The following CNOT10 variants were observed in gnomAD, a reference collection of about 807,000 sequenced individuals.
CNOT10 encodes the protein CCR4-NOT transcription complex subunit 10, also known as CCR4-NOT transcription complex, subunit 10.
CNOT10 carries 30 observed loss-of-function variants against 94.6 expected under a neutral mutation model. That is an observed-to-expected ratio of 0.32 (90% CI 0.24 to 0.43). CNOT10 has a LOEUF of 0.43. Ranked by LOEUF, CNOT10 falls within the 20% of genes least tolerant of loss-of-function variation. CNOT10 has a pLI of 1.00. For synonymous variants in CNOT10, 289 were observed against 301.6 expected (o/e 0.96, Z 0.43); for missense variants, 759 against 877.2 (o/e 0.87, Z 1.70).
chr3:32,763,225 A>G (rs777196067), intron 15 of CNOT10, among the ~76,000 whole-genome samples: 2 of 152,102 alleles, frequency 1.3e-5, no homozygotes, highest in Non-Finnish European at 2.9e-5. Flanking sequence ...TAATCCCAGC[A>G]CTTTGGGAGG....
At chr3:32,694,579 T>G (rs1696973770) in intron 1 of CNOT10, among the ~76,000 whole-genome samples, 1 of 152,142 alleles carries the variant, frequency 6.6e-6, no homozygotes, top group Admixed American at 6.6e-5. Flanking sequence ...TTTTTTCTTC[T>G]TTCAGTTTTT....
chr3:32,761,615 G>A (rs1700447907), intron 14 of CNOT10, among the ~76,000 whole-genome samples: 1 of 151,850 alleles, frequency 6.6e-6, no homozygotes, highest in East Asian at 1.9e-4. Flanking sequence ...GAGTGCAGTG[G>A]CATGATCTCA....
chr3:32,769,839 A>T, intron 17 of CNOT10, 48 bp from the exon 18 acceptor site: 1 of 1,439,512 alleles, frequency 6.9e-7, no homozygotes, highest in South Asian at 1.1e-5. Flanking sequence ...TGGAGTGTGT[A>T]TCTTAAGCTT....
intron 1 of CNOT10, among the ~76,000 whole-genome samples, chr3:32,698,910 C>T (rs1233640735): frequency 6.6e-6 from 1 of 152,170 alleles, no homozygotes; most frequent in African/African-American, 2.4e-5. Context: ...CTTCGCCTCG[C>T]TTGTAGCTGG....
At chr3:32,711,381 T>A (rs1422760763) in intron 4 of CNOT10, among the ~76,000 whole-genome samples, 1 of 152,228 alleles carries the variant, frequency 6.6e-6, no homozygotes, top group Non-Finnish European at 1.5e-5. Flanking sequence ...TGAAAATGTT[T>A]TTATACCATA....
chr3:32,719,026 G>A (rs536619700), intron 7 of CNOT10, among the ~76,000 whole-genome samples: 3 of 152,240 alleles, frequency 2.0e-5, no homozygotes, highest in Non-Finnish European at 2.9e-5. Flanking sequence ...TGAGGCAGGC[G>A]GATCCCAAAG....
At chr3:32,746,187 G>A (rs112175883) in intron 13 of CNOT10, among the ~76,000 whole-genome samples, 38 of 152,244 alleles carry the variant, frequency 2.5e-4, no homozygotes, top group African/African-American at 7.0e-4. Context: ...GGAATTGACT[G>A]GAAAGAAATA....
intron 2 of CNOT10, 86 bp from the exon 3 acceptor site, chr3:32,704,725 G>A: frequency 7.2e-7 from 1 of 1,397,974 alleles, no homozygotes; most frequent in Non-Finnish European, 9.6e-7. Flanking sequence ...TTAAGATAAA[G>A]ATGAATGAAA....
In CNOT10 at chr3:32,741,584, A is replaced by G. The variant is rs1253997529; in HGVS notation, c.1595+4094A>G. 5.3e-5 allele frequency among the ~76,000 whole-genome samples: 8 copies of G among 152,194 alleles called. No individual in the cohort carries two copies. In the South Asian group the frequency reaches 8.3e-4, roughly 16 times the overall value. On this transcript the variant is annotated intron_variant, in intron 13 of 18. Coordinates refer to ENST00000328834, the MANE Select transcript of CNOT10 (RefSeq NM_015442.3). The stretch of plus-strand genomic sequence containing the variant: ...GGAGTTCAAGACCAGCCTGGCCAAC[A>G]TAGTGAAACCCTGTCTATACTAAAA...
At chr3:32,762,401 C>A (rs1029391350) in intron 14 of CNOT10, among the ~76,000 whole-genome samples, 7 of 151,982 alleles carry the variant, frequency 4.6e-5, no homozygotes, top group African/African-American at 1.7e-4. Flanking sequence ...TCCTGAGTAG[C>A]TGAGACTACA....
At chr3:32,742,459 G>C (rs1699514591) in intron 13 of CNOT10, among the ~76,000 whole-genome samples, 1 of 151,968 alleles carries the variant, frequency 6.6e-6, no homozygotes, top group Non-Finnish European at 1.5e-5. Context: ...TCAGCTCACT[G>C]CAACCTCCGC....
At chr3:32,746,832 G>A (rs185214086) in intron 13 of CNOT10, among the ~76,000 whole-genome samples, 5,203 of 94,764 alleles carry the variant, frequency 0.055, 157 homozygotes, top group Middle Eastern at 0.13. Context: ...GCGAGACTCC[G>A]TCTCAAAAAA....
intron 13 of CNOT10, among the ~76,000 whole-genome samples, chr3:32,740,182 T>G (rs972631729): frequency 6.6e-6 from 1 of 152,002 alleles, no homozygotes; most frequent in Admixed American, 6.6e-5. Context: ...TAGTACATGC[T>G]GGGTGCGGTG....
chr3:32,751,020 A>G (rs564852839), intron 13 of CNOT10, among the ~76,000 whole-genome samples: 44 of 152,302 alleles, frequency 2.9e-4, no homozygotes, highest in Admixed American at 7.2e-4. Context: ...AACAGAACTG[A>G]AAAAGGTAGG....
At chr3:32,752,270 C>T (rs1699997494) in intron 13 of CNOT10, among the ~76,000 whole-genome samples, 1 of 150,634 alleles carries the variant, frequency 6.6e-6, no homozygotes, top group Non-Finnish European at 1.5e-5. Context: ...GCCTGGGCAA[C>T]AAGAGCGAAA....
At chr3:32,726,144 C>T (rs1469256346) in intron 9 of CNOT10, among the ~76,000 whole-genome samples, 1 of 151,998 alleles carries the variant, frequency 6.6e-6, no homozygotes, top group Non-Finnish European at 1.5e-5. Flanking sequence ...AGGGTTTCAC[C>T]ATGTTGCCCA....
chr3:32,764,662 T>C lies in CNOT10; in HGVS notation c.1877-20T>C. On this transcript the variant is annotated intron_variant, in intron 16 of 18. Transcript: ENST00000328834. The stretch of plus-strand genomic sequence containing the variant: ...TGTTGGCACGGCCTCTTCACCAGTG[T>C]CTACACTCTTTTTCCCCAGCTGGTA... 1 of 1,613,388 alleles carries C rather than the reference T, an allele frequency of 6.2e-7. No homozygotes were observed. Among genetic ancestry groups the C allele is most frequent in the South Asian group, 1.1e-5 (1 of 90,938 alleles).
chr3:32,715,134 G>C (rs1300692391), intron 5 of CNOT10, among the ~76,000 whole-genome samples: 3 of 152,180 alleles, frequency 2.0e-5, no homozygotes, highest in Non-Finnish European at 4.4e-5. Context: ...TACTCTGCTA[G>C]GTACTAAGGT....
intron 5 of CNOT10, among the ~76,000 whole-genome samples, chr3:32,713,830 G>T (rs76147208): frequency 0.061 from 9,313 of 152,018 alleles, 328 homozygotes; most frequent in African/African-American, 0.09. Flanking sequence ...ACTTATTTTT[G>T]TTTCATGTAC....
Sources: allele counts gnomAD v4.1 joint callset (sites outside exome capture counted in the v4.1 genomes callset), GRCh38; gene constraint gnomAD v4.1.1; transcripts MANE v1.5; gene names NCBI Gene and HGNC (gene_info 2026-07-23, HGNC 2026-07-21).